CD163L1: variants seen among roughly 807,000 people sequenced by gnomAD.
CD163L1 encodes scavenger receptor cysteine-rich type 1 protein M160.
CD163L1 carries 124 observed loss-of-function variants against 165.4 expected under a neutral mutation model. The observed-to-expected ratio is 0.75, with a 90% CI of 0.65 to 0.87. The LOEUF (loss-of-function observed/expected upper bound fraction) is 0.87, where lower values mean the gene tolerates loss of function less well. Ranked by LOEUF, CD163L1 falls within the 40% of genes least tolerant of loss-of-function variation. CD163L1 has a pLI of 0.00. For missense variants in CD163L1, 1,525 were observed against 1,799.9 expected, an observed-to-expected ratio of 0.85 and a Z score of 2.76; for synonymous variants, 585 against 662.2, an observed-to-expected ratio of 0.88 and a Z score of 1.79.
At chr12:7,418,433 T>A (rs1948287830) in intron 4 of CD163L1, among the ~76,000 whole-genome samples, 1 of 151,964 alleles carries the variant, frequency 6.6e-6, no homozygotes, top group African/African-American at 2.4e-5. Flanking sequence ...TCAGAAGGTC[T>A]GAAAGAGTAT....
chr12:7,323,207 C>G, the CD163L1 span: 2 of 1,564,032 alleles, frequency 1.3e-6, no homozygotes, highest in Non-Finnish European at 1.7e-6. Flanking sequence ...CTTTTGTATA[C>G]TTATACAAAG....
At chr12:7,416,377 C>G (rs1314665721) in intron 4 of CD163L1, among the ~76,000 whole-genome samples, 1 of 152,148 alleles carries the variant, frequency 6.6e-6, no homozygotes, top group Non-Finnish European at 1.5e-5. Flanking sequence ...TGACTATTCA[C>G]TCTGATGATA....
chr12:7,371,285 G>A (rs1021705497), intron 14 of CD163L1, among the ~76,000 whole-genome samples: 4 of 152,120 alleles, frequency 2.6e-5, no homozygotes, highest in African/African-American at 4.8e-5. Flanking sequence ...TCAAGAAAAT[G>A]AGAATAAGCC....
chr12:7,427,503 A>C (rs1948565039), intron 4 of CD163L1, among the ~76,000 whole-genome samples: 1 of 152,142 alleles, frequency 6.6e-6, no homozygotes, highest in Non-Finnish European at 1.5e-5. Flanking sequence ...TACCATCAAA[A>C]AATTAATAAT....
intron 18 of CD163L1, among the ~76,000 whole-genome samples, chr12:7,361,460 C>T (rs978867369): frequency 2.6e-5 from 4 of 152,174 alleles, no homozygotes; most frequent in Non-Finnish European, 4.4e-5. Flanking sequence ...TAACAGGGGT[C>T]ATTCTTTCAT....
chr12:7,441,241 CA>C lies in CD163L1; in HGVS notation c.36del (p.Phe12LeufsTer15), dbSNP rs1565822489. 6.2e-7 allele frequency: 1 copy of C among 1,613,022 alleles called. No individual in the cohort carries two copies. Among genetic ancestry groups the C allele is most frequent in the South Asian group, 1.1e-5 (1 of 91,034 alleles). ...AGGTTCTGATGACAGCAGCATCTTCCAAAATCTGGAGAAACAAAATATAGCA... is the reference window on the plus strand; with the variant it reads ...AGGTTCTGATGACAGCAGCATCTTCCAAATCTGGAGAAACAAAATATAGCA... ...MLPQNSWHIDFGRCCCHQNLF... is the reference protein window; with the variant it reads ...MLPQNSWHIDXGRCCCHQNLF... On this transcript the variant is annotated frameshift_variant, in exon 2 of 20. Coordinates refer to ENST00000313599, the MANE Select transcript of CD163L1 (RefSeq NM_174941.6). LOFTEE classifies it high-confidence loss of function.
At chr12:7,405,662 G>A (rs1948001534) in intron 5 of CD163L1, among the ~76,000 whole-genome samples, 1 of 152,142 alleles carries the variant, frequency 6.6e-6, no homozygotes, top group African/African-American at 2.4e-5. Flanking sequence ...CTTCTTAAAA[G>A]ATGTGACCTG....
At chr12:7,330,621 C>A in the CD163L1 span, among the ~76,000 whole-genome samples, 3 of 152,104 alleles carry the variant, frequency 2.0e-5, no homozygotes, top group Non-Finnish European at 4.4e-5. Context: ...TCAGGCTGAG[C>A]AAATTTAGAG....
At chr12:7,421,065 G>GTATATACGTATA (rs1948355243) in intron 4 of CD163L1, among the ~76,000 whole-genome samples, 1 of 82,950 alleles carries the variant, frequency 1.2e-5, no homozygotes, top group African/African-American at 6.8e-5. Context: ...ACGTATATAT[G>GTATATACGTATA]TATATATACG....
At chr12:7,356,396 T>C (rs1946774942) in intron 19 of CD163L1, among the ~76,000 whole-genome samples, 1 of 152,114 alleles carries the variant, frequency 6.6e-6, no homozygotes, top group African/African-American at 2.4e-5. Context: ...ATGGTAATAA[T>C]ATATTTTTGA....
intron 4 of CD163L1, among the ~76,000 whole-genome samples, chr12:7,419,239 T>C (rs1019297848): frequency 1.3e-5 from 2 of 151,998 alleles, no homozygotes; most frequent in Non-Finnish European, 2.9e-5. Flanking sequence ...GTACACCACA[T>C]AAACAGAATT....
Position 7,374,434 on chromosome 12 carries a change from G to T in CD163L1, c.3409+8C>A. 1 of 1,603,544 alleles carries T rather than the reference G, an allele frequency of 6.2e-7. No individual in the cohort carries two copies. ...TGTAGAGGAGGGTGAAAAGGTAGCAGCACAGACCTGAGCAGATGACCCCTG... is the reference window on the plus strand; with the variant it reads ...TGTAGAGGAGGGTGAAAAGGTAGCATCACAGACCTGAGCAGATGACCCCTG... On this transcript the variant is annotated splice_region_variant and intron_variant, in intron 13 of 19. Coordinates refer to ENST00000313599, the MANE Select transcript of CD163L1 (RefSeq NM_174941.6). The surrounding 1 kb of genome is among the most constrained non-coding windows in gnomAD (Gnocchi z 5.4).
chr12:7,418,458 A>G (rs747956454), intron 4 of CD163L1, among the ~76,000 whole-genome samples: 18 of 152,178 alleles, frequency 1.2e-4, no homozygotes, highest in Admixed American at 3.9e-4. Context: ...AGACAATCTA[A>G]GGGCACACCT....
chr12:7,396,435 G>A lies in CD163L1; in HGVS notation c.1730-20C>T, dbSNP rs756447936. Reference sequence around the variant, plus strand: ...CATCACCTGCACCAAGAACAATGAAGCAAGTAGTTAATGGGTGTGATGGTT... The same window carrying A: ...CATCACCTGCACCAAGAACAATGAAACAAGTAGTTAATGGGTGTGATGGTT... On this transcript the variant is annotated intron_variant, in intron 7 of 19. Coordinates refer to ENST00000313599, the MANE Select transcript of CD163L1 (RefSeq NM_174941.6). 5 of 1,579,372 alleles carry A rather than the reference G, an allele frequency of 3.2e-6. No homozygotes were observed. The African/African-American group carries it at 5.4e-5, about 17-fold the overall frequency.
chr12:7,388,296 C>T (rs1947563871), intron 8 of CD163L1, among the ~76,000 whole-genome samples: 1 of 152,168 alleles, frequency 6.6e-6, no homozygotes, highest in Admixed American at 6.5e-5. Flanking sequence ...AAAGCTTCTA[C>T]ACAGCAAAGG....
At chr12:7,392,435 G>C (rs1947676712) in intron 8 of CD163L1, among the ~76,000 whole-genome samples, 1 of 151,880 alleles carries the variant, frequency 6.6e-6, no homozygotes, top group Non-Finnish European at 1.5e-5. Flanking sequence ...GTGTGTAGAG[G>C]GAAATTTATA....
In CD163L1 at chr12:7,375,683, T is replaced by A. The variant is rs1947253392; in HGVS notation, c.2686+17A>T. On this transcript the variant is annotated intron_variant, in intron 10 of 19. Coordinates refer to ENST00000313599, the MANE Select transcript of CD163L1 (RefSeq NM_174941.6). ...CATCTCTAGCCCCAGCCAATTAAGA[T>A]TATTTAAAAATCTCACGGGAACAGA... The A allele has an allele frequency of 6.2e-7, 1 of 1,613,098 alleles. No homozygotes were observed. Among genetic ancestry groups the A allele is most frequent in the East Asian group, 2.2e-5 (1 of 44,874 alleles).
chr12:7,401,336 A>G (rs762992639), intron 6 of CD163L1, among the ~76,000 whole-genome samples: 12 of 152,208 alleles, frequency 7.9e-5, no homozygotes, highest in Non-Finnish European at 1.6e-4. Context: ...ATTCTAAAAT[A>G]TGAAAATATT....
intron 4 of CD163L1, among the ~76,000 whole-genome samples, chr12:7,421,456 CATATATACAT>C (rs1400847096): frequency 9.0e-5 from 9 of 100,246 alleles, no homozygotes; most frequent in East Asian, 3.0e-4. Context: ...CATATATGTA[CATATATACAT>C]ATATATACAT....
Sources: allele counts gnomAD v4.1 joint callset (sites outside exome capture counted in the v4.1 genomes callset), GRCh38; gene constraint gnomAD v4.1.1; non-coding constraint Gnocchi (gnomAD v3.1); transcripts MANE v1.5; gene names NCBI Gene and HGNC (gene_info 2026-07-23, HGNC 2026-07-21).